The following CRACD variants were observed in gnomAD, a reference collection of about 807,000 sequenced individuals.
CRACD encodes the protein capping protein inhibiting regulator of actin dynamics.
In CRACD, 56 loss-of-function variants were observed where a neutral mutation model predicts 106.8. The observed-to-expected ratio is 0.52, with a 90% CI of 0.42 to 0.66. The LOEUF (loss-of-function observed/expected upper bound fraction) is 0.66. Ranked by LOEUF, CRACD falls within the 30% of genes least tolerant of loss-of-function variation. The pLI is 0.00. For synonymous variants in CRACD, 754 were observed against 670.8 expected, an observed-to-expected ratio of 1.12 and a Z score of -1.92; for missense variants, 1,730 against 1,623.2, an observed-to-expected ratio of 1.07 and a Z score of -1.13.
At chr4:56,320,222 G>C (rs533526720) in intron 8 of CRACD, among the ~76,000 whole-genome samples, 1 of 151,924 alleles carries the variant, frequency 6.6e-6, no homozygotes, top group African/African-American at 2.4e-5. Context: ...GGATAAAACA[G>C]AAAAATAGCT....
At chr4:56,296,213 C>T (rs1744020442) in intron 3 of CRACD, among the ~76,000 whole-genome samples, 1 of 152,116 alleles carries the variant, frequency 6.6e-6, no homozygotes, top group Non-Finnish European at 1.5e-5. Context: ...TTCAGTTTCT[C>T]ACTCTACTCC....
At chr4:56,133,139 G>A (rs977974106) in intron 1 of CRACD, among the ~76,000 whole-genome samples, 9 of 152,068 alleles carry the variant, frequency 5.9e-5, no homozygotes, top group Admixed American at 2.6e-4. Flanking sequence ...ATTTTCTTAC[G>A]TCTGCAATGT....
At chr4:56,116,422 A>G (rs745709802) in intron 1 of CRACD, among the ~76,000 whole-genome samples, 14 of 152,298 alleles carry the variant, frequency 9.2e-5, no homozygotes, top group South Asian at 2.1e-4. Flanking sequence ...AGAGTAAGTA[A>G]TGGAGATGCA....
At chr4:56,312,132 A>G (rs1745197322) in intron 6 of CRACD, among the ~76,000 whole-genome samples, 1 of 151,846 alleles carries the variant, frequency 6.6e-6, no homozygotes, top group Non-Finnish European at 1.5e-5. Context: ...TGCAGTCAGT[A>G]CCCTGAGACT....
intron 1 of CRACD, among the ~76,000 whole-genome samples, chr4:56,145,538 C>T (rs1404842004): frequency 6.6e-6 from 1 of 152,118 alleles, no homozygotes; most frequent in East Asian, 1.9e-4. Flanking sequence ...AGAATCAGCT[C>T]TTAGTTTTAT....
chr4:56,172,350 A>G (rs1736404222), intron 1 of CRACD, among the ~76,000 whole-genome samples: 1 of 152,238 alleles, frequency 6.6e-6, no homozygotes, highest in Admixed American at 6.5e-5. Flanking sequence ...CTGGGCAGAA[A>G]TCTTCTGAGT....
intron 1 of CRACD, among the ~76,000 whole-genome samples, chr4:56,064,786 C>A (rs1424091690): frequency 1.3e-5 from 2 of 152,098 alleles, no homozygotes; most frequent in Non-Finnish European, 2.9e-5. Context: ...TCTACTAATT[C>A]TTTGTTTCAT....
chr4:56,056,719 G>A (rs1732083909), intron 1 of CRACD, among the ~76,000 whole-genome samples: 1 of 152,062 alleles, frequency 6.6e-6, no homozygotes, highest in Non-Finnish European at 1.5e-5. Flanking sequence ...CTTGAGCTAG[G>A]GAGGTTGAGG....
chr4:56,282,119 C>A (rs1172054534), intron 3 of CRACD, among the ~76,000 whole-genome samples: 1 of 152,194 alleles, frequency 6.6e-6, no homozygotes. Flanking sequence ...TTGAATGAGA[C>A]TCACGGATCT....
At chr4:56,252,163 G>A (rs1329937752) in intron 2 of CRACD, among the ~76,000 whole-genome samples, 3 of 151,996 alleles carry the variant, frequency 2.0e-5, no homozygotes, top group African/African-American at 4.8e-5. Flanking sequence ...GAAGAACACC[G>A]GCCTTAAGAT....
chr4:56,231,234 A>T (rs1304711178), intron 2 of CRACD, among the ~76,000 whole-genome samples: 1 of 152,168 alleles, frequency 6.6e-6, no homozygotes, highest in African/African-American at 2.4e-5. Context: ...TAACCCTAGA[A>T]TATAGATTTT....
chr4:56,057,594 T>C (rs998016667), intron 1 of CRACD, among the ~76,000 whole-genome samples: 1 of 151,626 alleles, frequency 6.6e-6, no homozygotes, highest in Non-Finnish European at 1.5e-5. Flanking sequence ...CATATGTACT[T>C]CCTATTACCA....
chr4:56,267,838 G>A (rs1207344718), intron 2 of CRACD, among the ~76,000 whole-genome samples: 3 of 152,174 alleles, frequency 2.0e-5, no homozygotes, highest in Non-Finnish European at 2.9e-5. Context: ...AAGAATGATA[G>A]GGTACCTTTT....
chr4:56,194,313 A>G (rs1373006602), intron 2 of CRACD, among the ~76,000 whole-genome samples: 1 of 152,234 alleles, frequency 6.6e-6, no homozygotes, highest in Non-Finnish European at 1.5e-5. Flanking sequence ...GTGAAGCTTC[A>G]AAATACCCAA....
At chr4:56,138,833 C>G (rs764314555) in intron 1 of CRACD, among the ~76,000 whole-genome samples, 5 of 152,204 alleles carry the variant, frequency 3.3e-5, no homozygotes, top group Admixed American at 1.3e-4. Flanking sequence ...ACCTGTCCCT[C>G]TTTTAATCCA....
chr4:56,102,986 GTGTAC>G (rs1733827910), intron 1 of CRACD, among the ~76,000 whole-genome samples: 1 of 152,176 alleles, frequency 6.6e-6, no homozygotes, highest in Non-Finnish European at 1.5e-5. Flanking sequence ...AGTTTACGTT[GTGTAC>G]CATTATTTAT....
chr4:56,151,679 G>C (rs1345377039), intron 1 of CRACD, among the ~76,000 whole-genome samples: 1 of 151,986 alleles, frequency 6.6e-6, no homozygotes, highest in Non-Finnish European at 1.5e-5. Context: ...ATTCAGTTCA[G>C]GTTGCATGTT....
At chr4:56,051,636 A>C (rs1731879607) in intron 1 of CRACD, among the ~76,000 whole-genome samples, 1 of 152,226 alleles carries the variant, frequency 6.6e-6, no homozygotes, top group South Asian at 2.1e-4. Context: ...TCTCACGCCC[A>C]GAGCTTTCTC....
intron 1 of CRACD, among the ~76,000 whole-genome samples, chr4:56,088,724 G>C (rs999605476): frequency 6.6e-6 from 1 of 151,070 alleles, no homozygotes; most frequent in African/African-American, 2.4e-5. Flanking sequence ...ATTATATACT[G>C]TACTTTTTTT....
Sources: allele counts gnomAD v4.1 joint callset (sites outside exome capture counted in the v4.1 genomes callset), GRCh38; gene constraint gnomAD v4.1.1; transcripts MANE v1.5; gene names NCBI Gene and HGNC (gene_info 2026-07-23, HGNC 2026-07-21).